The following LHFPL3 variants were observed in gnomAD, a reference collection of about 807,000 sequenced individuals.
LHFPL3 encodes LHFPL tetraspan subfamily member 3 protein.
In LHFPL3, 5 loss-of-function variants were observed where a neutral mutation model predicts 19.3. That is an observed-to-expected ratio of 0.26 (90% CI 0.14 to 0.54). The LOEUF (loss-of-function observed/expected upper bound fraction) is 0.54. LHFPL3 is among the 20% of genes least tolerant of loss of function. LHFPL3 has a pLI of 0.94. For missense variants in LHFPL3, 249 were observed against 307.4 expected (o/e 0.81, Z 1.42); for synonymous variants, 133 against 126.2 (o/e 1.05, Z -0.36).
intron 2 of LHFPL3, among the ~76,000 whole-genome samples, chr7:104,852,141 A>G (rs10264318): frequency 0.089 from 13,546 of 152,126 alleles, 1,306 homozygotes; most frequent in East Asian, 0.43. Context: ...CCTCACCAGC[A>G]TTAACTGCTG....
intron 1 of LHFPL3, among the ~76,000 whole-genome samples, chr7:104,691,759 A>G (rs1361198860): frequency 6.6e-5 from 10 of 152,250 alleles, no homozygotes; most frequent in Admixed American, 6.5e-4. Context: ...GCCTCACCAA[A>G]GGGTGACCTC....
chr7:104,828,604 C>T (rs1372920840), intron 2 of LHFPL3, among the ~76,000 whole-genome samples: 4 of 151,982 alleles, frequency 2.6e-5, no homozygotes, highest in African/African-American at 9.7e-5. Flanking sequence ...GGCAGCAAAG[C>T]CCTCTTAGGA....
intron 1 of LHFPL3, among the ~76,000 whole-genome samples, chr7:104,714,213 G>A (rs747110311): frequency 2.6e-4 from 39 of 151,924 alleles, no homozygotes; most frequent in South Asian, 1.5e-3. Flanking sequence ...CTACCCTTTC[G>A]TTTGTTGTTG....
chr7:104,540,429 A>C (rs1016828476), intron 1 of LHFPL3, among the ~76,000 whole-genome samples: 4 of 152,148 alleles, frequency 2.6e-5, no homozygotes, highest in Non-Finnish European at 1.5e-5. Flanking sequence ...CCCAGCATCT[A>C]CTGGGTACAG....
chr7:104,701,533 A>T (rs1793100858), intron 1 of LHFPL3, among the ~76,000 whole-genome samples: 1 of 152,228 alleles, frequency 6.6e-6, no homozygotes, highest in South Asian at 2.1e-4. Context: ...GTGGAAGCAG[A>T]TCATTCTAAA....
intron 1 of LHFPL3, among the ~76,000 whole-genome samples, chr7:104,490,944 T>C (rs1272091172): frequency 6.6e-6 from 1 of 152,142 alleles, no homozygotes; most frequent in Admixed American, 6.5e-5. Context: ...TTCATTCCTT[T>C]CCCTAAAACT....
chr7:104,491,846 T>G (rs1793359127), intron 1 of LHFPL3, among the ~76,000 whole-genome samples: 1 of 152,234 alleles, frequency 6.6e-6, no homozygotes, highest in Non-Finnish European at 1.5e-5. Flanking sequence ...CCCATCCAAA[T>G]TAAAATGACC....
At chr7:104,642,709 C>T (rs1791859495) in intron 1 of LHFPL3, among the ~76,000 whole-genome samples, 1 of 152,178 alleles carries the variant, frequency 6.6e-6, no homozygotes, top group African/African-American at 2.4e-5. Context: ...AGCCTGGGCC[C>T]CCACTCTCAC....
At chr7:104,809,755 A>G (rs567710325) in intron 2 of LHFPL3, among the ~76,000 whole-genome samples, 3 of 152,368 alleles carry the variant, frequency 2.0e-5, no homozygotes, top group East Asian at 3.9e-4. Context: ...AGCTCATTGT[A>G]CTGTAGCTCA....
chr7:104,890,472 G>A (rs1020901784), intron 2 of LHFPL3, among the ~76,000 whole-genome samples: 21 of 152,178 alleles, frequency 1.4e-4, no homozygotes, highest in Non-Finnish European at 2.9e-4. Context: ...CAGTAGACTT[G>A]CCTCAGAGCT....
chr7:104,464,056 G>T (rs1308626149), intron 1 of LHFPL3, among the ~76,000 whole-genome samples: 1 of 152,184 alleles, frequency 6.6e-6, no homozygotes, highest in African/African-American at 2.4e-5. Flanking sequence ...GATACAATGG[G>T]GTACAGACAT....
chr7:104,737,126 C>T (rs1793841384), intron 2 of LHFPL3, among the ~76,000 whole-genome samples: 1 of 145,480 alleles, frequency 6.9e-6, no homozygotes, highest in African/African-American at 2.6e-5. Flanking sequence ...CTGAAACTCC[C>T]TTAGTCCATT....
intron 2 of LHFPL3, among the ~76,000 whole-genome samples, chr7:104,810,131 G>A (rs1010289876): frequency 6.6e-6 from 1 of 152,188 alleles, no homozygotes; most frequent in Non-Finnish European, 1.5e-5. Context: ...GAGAGAGCAT[G>A]GGCACAGTGC....
At chr7:104,840,616 G>A (rs1367252471) in intron 2 of LHFPL3, among the ~76,000 whole-genome samples, 1 of 149,600 alleles carries the variant, frequency 6.7e-6, no homozygotes, top group East Asian at 2.0e-4. Flanking sequence ...ACCACTCCCA[G>A]GTTCTTTCAT....
intron 1 of LHFPL3, among the ~76,000 whole-genome samples, chr7:104,428,283 G>A (rs545226040): frequency 6.6e-6 from 1 of 152,202 alleles, no homozygotes; most frequent in African/African-American, 2.4e-5. Context: ...TATGAAAACA[G>A]GGCCCTAAAA....
At chr7:104,625,933 C>G (rs1315610453) in intron 1 of LHFPL3, among the ~76,000 whole-genome samples, 1 of 152,168 alleles carries the variant, frequency 6.6e-6, no homozygotes, top group Non-Finnish European at 1.5e-5. Context: ...AAACAACACC[C>G]CTGCTAGCCA....
intron 1 of LHFPL3, among the ~76,000 whole-genome samples, chr7:104,557,859 T>A (rs867845494): frequency 0.013 from 1,857 of 148,318 alleles, 34 homozygotes; most frequent in African/African-American, 0.044. Context: ...CCCCAGAGTG[T>A]GATATTCCCC....
intron 2 of LHFPL3, among the ~76,000 whole-genome samples, chr7:104,753,409 G>C (rs912940829): frequency 6.6e-6 from 1 of 152,072 alleles, no homozygotes; most frequent in Non-Finnish European, 1.5e-5. Flanking sequence ...ATTTAAAGGG[G>C]AAATAATAGA....
chr7:104,392,009 T>C (rs1444991146), intron 1 of LHFPL3, among the ~76,000 whole-genome samples: 1 of 152,216 alleles, frequency 6.6e-6, no homozygotes, highest in African/African-American at 2.4e-5. Context: ...TGAATAGGAA[T>C]GCTTGCGATT....
Sources: gnomAD v4.1 joint callset for allele counts (sites outside exome capture counted in the v4.1 genomes callset) on GRCh38, gnomAD v4.1.1 for gene constraint, MANE v1.5 for transcripts, NCBI Gene and HGNC (gene_info 2026-07-23, HGNC 2026-07-21) for gene names.